The following POLI variants were observed in gnomAD, a reference collection of about 807,000 sequenced individuals.
POLI encodes RAD30 homolog B.
POLI carries 58 observed loss-of-function variants against 51.6 expected under a neutral mutation model. That is an observed-to-expected ratio of 1.12 (90% CI 0.91 to 1.40). POLI has a LOEUF of 1.40. Among genes scored for constraint, POLI ranks in the 40% most tolerant of loss-of-function variants. The probability of loss-of-function intolerance (pLI) is 0.00; values close to 1 mark genes in which losing one functional copy is unlikely to be tolerated. For synonymous variants in POLI, 322 were observed against 299.7 expected (o/e 1.07, Z -0.77); for missense variants, 921 against 871.3 (o/e 1.06, Z -0.72).
Position 54,287,376 on chromosome 18 carries a change from C to T in POLI, c.1163C>T (p.Pro388Leu). ...TATGGTCGTGAGAGTCGTCAGTGCC[C>T]TATTCCTTCACATGTAATTCAGAAA... Reference protein sequence around the residue: ...KHYGRESRQCPIPSHVIQKLG... With the variant: ...KHYGRESRQCLIPSHVIQKLG... The change falls in exon 8 of 10, where the codon CCT becomes CTT. Residue 388 changes from proline to leucine, a missense_variant. Pro to Leu is a moderately conservative substitution (Grantham distance 98, BLOSUM62 -3). Transcript: ENST00000579534. The T allele has an allele frequency of 6.2e-7, 1 of 1,605,918 alleles. No individual in the cohort carries two copies. Among genetic ancestry groups the T allele is most frequent in the Non-Finnish European group, 8.5e-7 (1 of 1,174,932 alleles).
chr18:54,295,442 C>T lies in POLI; in HGVS notation c.*975C>T, dbSNP rs752844652. On this transcript the variant is annotated 3_prime_UTR_variant, in exon 10 of 10. Coordinates refer to ENST00000579534, the MANE Select transcript of POLI (RefSeq NM_007195.3). Reference sequence around the variant, plus strand: ...GATTGAGAATGTATTATATAATTTGCAAGACATAGAGGATGTTTATAGAAT... The same window carrying T: ...GATTGAGAATGTATTATATAATTTGTAAGACATAGAGGATGTTTATAGAAT... 1.0e-6 allele frequency: 1 copy of T among 972,154 alleles called. No homozygotes were observed. Among genetic ancestry groups the T allele is most frequent in the Non-Finnish European group, 1.2e-6 (1 of 817,910 alleles). 60.2% of individuals were successfully genotyped at this position (972,154 alleles called of 1,614,324 possible).
rs1056486309 is a variant in POLI at position 54,294,992 on chromosome 18, G to C, written c.*525G>C. 1 of 984,924 alleles carries C rather than the reference G, an allele frequency of 1.0e-6. No individual in the cohort carries two copies. Among genetic ancestry groups the C allele is most frequent in the Non-Finnish European group, 1.2e-6 (1 of 829,546 alleles). 61.0% of individuals were successfully genotyped at this position (984,924 alleles called of 1,614,324 possible). A position where few individuals can be genotyped will look rare whatever the true frequency, so the allele number is the denominator to read the frequency against. On this transcript the variant is annotated 3_prime_UTR_variant, in exon 10 of 10. Transcript: ENST00000579534. ...CCAAAGCAATTTATATTCAATTAATGCTTCTTCATACACCAAGAATCTACC... is the reference window on the plus strand; with the variant it reads ...CCAAAGCAATTTATATTCAATTAATCCTTCTTCATACACCAAGAATCTACC...
At position 54,281,897 on chromosome 18, in the gene POLI, A is replaced by G. The variant is rs185944115; in HGVS notation, c.797-940A>G. 2.4e-3 allele frequency among the ~76,000 whole-genome samples: 360 copies of G among 152,218 alleles called. 6 individuals carry two copies. The highest frequency in any genetic ancestry group is 0.013 in the South Asian group (65 of 4,822). ...TCCAACTTACTGCTTTTACTGTGCAAGAAAACCAGATAACTGTGGAATTAC... is the reference window on the plus strand; with the variant it reads ...TCCAACTTACTGCTTTTACTGTGCAGGAAAACCAGATAACTGTGGAATTAC... On this transcript the variant is annotated intron_variant, in intron 5 of 9. Coordinates refer to ENST00000579534, the MANE Select transcript of POLI (RefSeq NM_007195.3).
intron 3 of POLI, among the ~76,000 whole-genome samples, chr18:54,317,640 A>G (rs1199943772): frequency 6.6e-6 from 1 of 152,136 alleles, no homozygotes; most frequent in African/African-American, 2.4e-5. Flanking sequence ...AAGCAGGAGA[A>G]TTGCTTGAGG....
chr18:54,269,827 T>A, intron 1 of POLI, 166 bp downstream of exon 1: 1 of 1,354,384 alleles, frequency 7.4e-7, no homozygotes, highest in Non-Finnish European at 9.4e-7. Flanking sequence ...GGCGGGTACC[T>A]CTAGAGGAAT....
chr18:54,296,025 G>C lies in POLI; in HGVS notation c.*1558G>C. On this transcript the variant is annotated 3_prime_UTR_variant, in exon 10 of 10. Transcript: ENST00000579534. ...AGGTAGTTTGAGGTTATCAGGAACA[G>C]TAACTTGAAGCAAGAACATCAGAAA... 1.0e-6 allele frequency: 1 copy of C among 984,860 alleles called. No homozygotes were observed. The highest frequency in any genetic ancestry group is 1.2e-6 in the Non-Finnish European group (1 of 829,440). 61.0% of individuals were successfully genotyped at this position (984,860 alleles called of 1,614,324 possible). A position where few individuals can be genotyped will look rare whatever the true frequency, so the allele number is the denominator to read the frequency against.
In POLI at chr18:54,317,871, T is replaced by C. The variant is rs376277933; in HGVS notation, c.334-2402T>C. Among the ~76,000 whole-genome samples the C allele has an allele frequency of 1.1e-3, 168 of 152,228 alleles. 4 individuals carry two copies. The South Asian group carries it at 0.031, about 28-fold the overall frequency. Reference sequence around the variant, plus strand: ...CAGGCTTTAATAAACAAAAAGGATTTATTATAAATTGCTGTCTTTGGTAGT... The same window carrying C: ...CAGGCTTTAATAAACAAAAAGGATTCATTATAAATTGCTGTCTTTGGTAGT... On this transcript the variant is annotated intron_variant, in intron 3 of 4. Coordinates refer to the POLI transcript ENST00000579823.
chr18:54,297,288 G>A lies in POLI; in HGVS notation c.*2821G>A. The A allele has an allele frequency of 1.0e-5, 10 of 981,162 alleles. No individual in the cohort carries two copies. The highest frequency in any genetic ancestry group is 1.2e-5 in the Non-Finnish European group (10 of 828,386). The allele number at this position is 981,162 out of a possible 1,614,324, so 60.8% of individuals were successfully genotyped here. On this transcript the variant is annotated 3_prime_UTR_variant, in exon 10 of 10. Coordinates refer to ENST00000579534, the MANE Select transcript of POLI (RefSeq NM_007195.3). ...GCTTTTGTTTCAGCTCGAGTTTGTT[G>A]TTGTTTTTTTTTTTTCCTGTTTCTG...
intron 1 of POLI, chr18:54,270,785 A>G (rs1410599901): frequency 6.6e-6 from 1 of 152,198 alleles, no homozygotes; most frequent in East Asian, 1.9e-4. Context: ...CAGTCTTTCA[A>G]TTTAGTGAAT....
rs139836760 is a variant in POLI at position 54,285,391 on chromosome 18, A to G, written c.1067+1378A>G. Among the ~76,000 whole-genome samples, 680 of 152,276 alleles carry G rather than the reference A, an allele frequency of 4.5e-3. 4 individuals carry two copies. The highest frequency in any genetic ancestry group is 7.3e-3 in the Non-Finnish European group (498 of 68,016). Reference sequence around the variant, plus strand: ...CAGGTGCTCTAAACCTGTGACATACAAAACCTGTGAAATTAACCATTTGTC... The same window carrying G: ...CAGGTGCTCTAAACCTGTGACATACGAAACCTGTGAAATTAACCATTTGTC... On this transcript the variant is annotated intron_variant, in intron 7 of 9. Transcript: ENST00000579534.
chr18:54,284,575 TATA>T (rs1222214410), intron 7 of POLI: 11 of 152,332 alleles, frequency 7.2e-5, no homozygotes, highest in African/African-American at 2.4e-4. Context: ...GGAACAACTA[TATA>T]AATTTGTGAT....
Position 54,282,900 on chromosome 18 carries a change from A to C in POLI, c.860A>C (p.Gln287Pro). The change falls in exon 6 of 10, where the codon CAA becomes CCA. Residue 287 changes from glutamine to proline, a missense_variant. By Grantham distance (76) the Gln-to-Pro change is moderately conservative. Coordinates refer to ENST00000579534, the MANE Select transcript of POLI (RefSeq NM_007195.3). Reference sequence around the variant, plus strand: ...GGTATCAATAGTGTGCGTGATCTCCAAACCTTTTCACCCAAAATTTTAGAA... The same window carrying C: ...GGTATCAATAGTGTGCGTGATCTCCCAACCTTTTCACCCAAAATTTTAGAA... ...ALGINSVRDL[Q>P]TFSPKILEKE... 1 of 1,590,824 alleles carries C rather than the reference A, an allele frequency of 6.3e-7. No individual in the cohort carries two copies.
At chr18:54,277,899 T>C in intron 4 of POLI, 44 bp downstream of exon 4, 2 of 1,404,294 alleles carry the variant, frequency 1.4e-6, no homozygotes. Context: ...CAAAAGTACA[T>C]ACATTTCTTA....
At position 54,295,854 on chromosome 18, in the gene POLI, C is replaced by T. The variant is rs1249021023; in HGVS notation, c.*1387C>T. On this transcript the variant is annotated 3_prime_UTR_variant, in exon 10 of 10. Transcript: ENST00000579534. Reference sequence around the variant, plus strand: ...TATTGGCCAGGCTGGTCTCGAACTCCTGGTCTCAGGTGATCCTCCACCTTG... The same window carrying T: ...TATTGGCCAGGCTGGTCTCGAACTCTTGGTCTCAGGTGATCCTCCACCTTG... The T allele has an allele frequency of 5.8e-6, 3 of 517,850 alleles. No individual in the cohort carries two copies. Among genetic ancestry groups the T allele is most frequent in the Non-Finnish European group, 7.4e-6 (3 of 403,032 alleles). The allele number at this position is 517,850 out of a possible 1,614,324, so 32.1% of individuals were successfully genotyped here.
chr18:54,317,179 G>C (rs2088744079), intron 3 of POLI, among the ~76,000 whole-genome samples: 2 of 152,274 alleles, frequency 1.3e-5, no homozygotes. Context: ...CTTCTTATGA[G>C]AACATACAAA....
rs1486851739 is a variant in POLI at position 54,280,835 on chromosome 18, A to C, written c.728A>C (p.Gln243Pro). 6.2e-7 allele frequency: 1 copy of C among 1,613,628 alleles called. No individual in the cohort carries two copies. The highest frequency in any genetic ancestry group is 8.5e-7 in the Non-Finnish European group (1 of 1,179,576). ...TCTGGTGTCTTTAAACCAAATCAACAAACAGTCTTATTACCTGAAAGTTGT... is the reference window on the plus strand; with the variant it reads ...TCTGGTGTCTTTAAACCAAATCAACCAACAGTCTTATTACCTGAAAGTTGT... ...LVSGVFKPNQ[Q>P]TVLLPESCQH... The change falls in exon 5 of 10, where the codon CAA (glutamine) becomes CCA (proline). Residue 243 changes from glutamine (Q) to proline (P), a missense_variant. By Grantham distance (76) the Gln-to-Pro change is moderately conservative. Coordinates refer to ENST00000579534, the MANE Select transcript of POLI (RefSeq NM_007195.3).
At chr18:54,314,493 A>C (rs555445256) in intron 3 of POLI, among the ~76,000 whole-genome samples, 4 of 152,062 alleles carry the variant, frequency 2.6e-5, no homozygotes, top group Admixed American at 6.6e-5. Context: ...TCATAAAATG[A>C]GTTAGTGGGG....
chr18:54,306,875 G>C (rs189937709), intron 3 of POLI, among the ~76,000 whole-genome samples: 1 of 152,142 alleles, frequency 6.6e-6, no homozygotes, highest in South Asian at 2.1e-4. Context: ...GGTGTTTATA[G>C]TATTCTCTGA....
intron 3 of POLI, among the ~76,000 whole-genome samples, chr18:54,317,804 G>T (rs561710646): frequency 1.3e-5 from 2 of 152,170 alleles, no homozygotes; most frequent in Non-Finnish European, 2.9e-5. Flanking sequence ...GGTCAAAGCT[G>T]CAGTGAGCTA....
Sources: allele counts gnomAD v4.1 joint callset (sites outside exome capture counted in the v4.1 genomes callset), GRCh38; gene constraint gnomAD v4.1.1; transcripts MANE v1.5; gene names NCBI Gene and HGNC (gene_info 2026-07-23, HGNC 2026-07-21).